The following RPS19 variants were observed in gnomAD, a reference collection of about 807,000 sequenced individuals.
RPS19 encodes ribosomal protein S19.
In RPS19, 1 loss-of-function variant was observed where a neutral mutation model predicts 20.3. That is an observed-to-expected ratio of 0.05 (90% confidence interval 0.02 to 0.23). The LOEUF (loss-of-function observed/expected upper bound fraction) is 0.23, where lower values mean the gene tolerates loss of function less well. RPS19 is among the 10% of genes least tolerant of loss of function. RPS19 has a pLI of 1.00. For synonymous variants in RPS19, 87 were observed against 74.8 expected (o/e 1.16, Z -0.84); for missense variants, 111 against 192.7 (o/e 0.58, Z 2.51).
In RPS19 at chr19:41,868,371, C is replaced by T. The variant is rs112128230; in HGVS notation, c.173-660C>T. Among the ~76,000 whole-genome samples the T allele has an allele frequency of 7.2e-5, 11 of 152,296 alleles. 1 individual carries two copies. The highest frequency in any genetic ancestry group is 2.6e-4 in the African/African-American group (11 of 41,568). Reference sequence around the variant, plus strand: ...CACCTGTTGAGTCCTCAGAGTAACCCGGCCCTCAGGTGAAGAAGGGTGGAG... The same window carrying T: ...CACCTGTTGAGTCCTCAGAGTAACCTGGCCCTCAGGTGAAGAAGGGTGGAG... On this transcript the variant is annotated intron_variant, in intron 3 of 5. Transcript: ENST00000598742.
At position 41,867,075 on chromosome 19, in the gene RPS19, T is replaced by G. The variant is rs1555840873; in HGVS notation, c.173-1956T>G. On this transcript the variant is annotated intron_variant, in intron 3 of 5. Transcript: ENST00000598742. ...GCACACACCTGTAATCCCAGCACTT[T>G]GGGAGGCCAAGATGGGTGGTTCACT... Among the ~76,000 whole-genome samples, 3 of 151,592 alleles carry G rather than the reference T, an allele frequency of 2.0e-5. No homozygotes were observed. The South Asian group carries it at 6.2e-4, about 32-fold the overall frequency.
chr19:41,866,105 T>A (rs1169438693), intron 3 of RPS19, among the ~76,000 whole-genome samples: 1 of 151,402 alleles, frequency 6.6e-6, no homozygotes, highest in African/African-American at 2.4e-5. Flanking sequence ...TACAAAACAT[T>A]AGCCAGGTGT....
rs147508369 is a variant in RPS19, at chr19:41,861,204, C to T, written c.164C>T (p.Thr55Met). Reference protein sequence around the residue: ...LAPYDENWFYTRAASTARHLY... With the variant: ...LAPYDENWFYMRAASTARHLY... ...CCCTACGATGAGAACTGGTTCTACA[C>T]GCGAGCTGGTGAGGAACTTAGGTCT... The change falls in exon 3 of 6, where the codon ACG becomes ATG. Residue 55 changes from threonine (T) to methionine (M), a missense_variant. Thr to Met is a moderately conservative substitution (Grantham distance 81). Transcript: ENST00000598742. 4.9e-4 allele frequency: 792 copies of T among 1,613,126 alleles called. 1 individual carries two copies. Among genetic ancestry groups the T allele is most frequent in the Non-Finnish European group, 6.3e-4 (739 of 1,179,232 alleles).
chr19:41,863,425 C>G (rs1600612729), intron 3 of RPS19, among the ~76,000 whole-genome samples: 1 of 152,236 alleles, frequency 6.6e-6, no homozygotes, highest in East Asian at 1.9e-4. Flanking sequence ...TGCAAGTTAC[C>G]CTGGGAGGGC....
chr19:41,868,978 T>C (rs1344190473), intron 3 of RPS19, 53 bp from the exon 4 acceptor site: 7 of 1,560,572 alleles, frequency 4.5e-6, no homozygotes, highest in Non-Finnish European at 6.2e-6. Context: ...AAGGAATTGT[T>C]TACCTGAGAC....
intron 3 of RPS19, 33 bp downstream of exon 3, chr19:41,861,245 G>A (rs372018436): frequency 1.3e-6 from 2 of 1,505,052 alleles, no homozygotes; most frequent in Non-Finnish European, 1.8e-6. Context: ...TGGAGAGTGG[G>A]GAGCTGGGTG....
intron 3 of RPS19, among the ~76,000 whole-genome samples, chr19:41,868,072 C>A (rs2074108146): frequency 6.6e-6 from 1 of 152,198 alleles, no homozygotes; most frequent in Non-Finnish European, 1.5e-5. Context: ...CCAATTCCCC[C>A]ACTTGATCTT....
At chr19:41,861,862 C>T (rs1299417840) in intron 3 of RPS19, among the ~76,000 whole-genome samples, 1 of 152,176 alleles carries the variant, frequency 6.6e-6, no homozygotes, top group Non-Finnish European at 1.5e-5. Flanking sequence ...TCGTGCCAGC[C>T]CCGTCTCTTT....
At chr19:41,862,886 T>C (rs1018349833) in intron 3 of RPS19, among the ~76,000 whole-genome samples, 23 of 152,266 alleles carry the variant, frequency 1.5e-4, no homozygotes, top group African/African-American at 5.5e-4. Context: ...ATAGGATGGT[T>C]GTGTGGTAGA....
chr19:41,866,869 T>A (rs1397015511), intron 3 of RPS19, among the ~76,000 whole-genome samples: 1 of 151,694 alleles, frequency 6.6e-6, no homozygotes, highest in Admixed American at 6.6e-5. Flanking sequence ...ACAAAAAAAT[T>A]AGCCAGGCGT....
chr19:41,860,667 G>T lies in RPS19; in HGVS notation c.1-108G>T, dbSNP rs2074018520. On this transcript the variant is annotated intron_variant, in intron 1 of 5. Transcript: ENST00000598742. ...GAAGGGGCCGTGGGAAGTAACGGGG[G>T]GTACCACGGTTTAGGATGCGCTGGA... 12 of 879,332 alleles carry T rather than the reference G, an allele frequency of 1.4e-5. No individual in the cohort carries two copies. The South Asian group carries it at 1.6e-4, about 12-fold the overall frequency. 54.5% of individuals were successfully genotyped at this position (879,332 alleles called of 1,614,324 possible).
chr19:41,862,390 C>T (rs1416502713), intron 3 of RPS19, among the ~76,000 whole-genome samples: 1 of 152,078 alleles, frequency 6.6e-6, no homozygotes, highest in African/African-American at 2.4e-5. Flanking sequence ...ACCTACCCAC[C>T]GTTTGTTTTA....
At chr19:41,871,179 G>A (rs1357953059) in intron 5 of RPS19, among the ~76,000 whole-genome samples, 172 bp from the exon 6 acceptor site, 2 of 150,872 alleles carry the variant, frequency 1.3e-5, no homozygotes, top group Non-Finnish European at 3.0e-5. Flanking sequence ...TTGAGACTCA[G>A]TTTCCACGTC....
chr19:41,869,563 A>G (rs1191362788), intron 4 of RPS19, 136 bp from the exon 5 acceptor site: 3 of 886,162 alleles, frequency 3.4e-6, no homozygotes, highest in East Asian at 2.5e-5. Flanking sequence ...GTTAGAATGC[A>G]CCTGACTAGG....
intron 5 of RPS19, among the ~76,000 whole-genome samples, chr19:41,871,044 G>A (rs1471489899): frequency 6.6e-6 from 1 of 151,614 alleles, no homozygotes; most frequent in African/African-American, 2.4e-5. Context: ...TATATTTTTA[G>A]TAGAGACAGG....
intron 5 of RPS19, among the ~76,000 whole-genome samples, chr19:41,869,958 G>GTGGTGTCTCCACAGCCAGACACCA (rs2074129842): frequency 6.6e-6 from 1 of 152,064 alleles, no homozygotes; most frequent in Non-Finnish European, 1.5e-5. Flanking sequence ...AAATTTGGAG[G>GTGGTGTCTCCACAGCCAGACACCA]CAGGCTGGCT....
At chr19:41,869,651 A>C (rs1555841524) in intron 4 of RPS19, 48 bp from the exon 5 acceptor site, 1 of 1,601,098 alleles carries the variant, frequency 6.2e-7, no homozygotes, top group Non-Finnish European at 8.6e-7. Flanking sequence ...GGGGCTGAGA[A>C]CAGGACCTGT....
In RPS19 at chr19:41,871,874, A is replaced by G. The variant is rs538671454; in HGVS notation, c.*497A>G. On this transcript the variant is annotated 3_prime_UTR_variant, in exon 6 of 6. Coordinates refer to ENST00000598742, the MANE Select transcript of RPS19 (RefSeq NM_001022.4). ...GAGGTGGCTTCCGCTGGAGTAAAGC[A>G]AGAGGGCCCAGGGTTCATGCTCTTC... is the stretch of plus-strand genomic sequence containing the variant. 5.3e-6 allele frequency: 1 copy of G among 187,142 alleles called. No individual in the cohort carries two copies. The highest frequency in any genetic ancestry group is 1.5e-4 in the East Asian group (1 of 6,882). The allele number at this position is 187,142 out of a possible 1,614,324, so 11.6% of individuals were successfully genotyped here.
At chr19:41,867,011 T>TC (rs2074097283) in intron 3 of RPS19, among the ~76,000 whole-genome samples, 1 of 142,716 alleles carries the variant, frequency 7.0e-6, no homozygotes, top group East Asian at 2.1e-4. Context: ...AGCGAGAGAC[T>TC]CCATCTCAGA....
Sources: allele counts gnomAD v4.1 joint callset (sites outside exome capture counted in the v4.1 genomes callset), GRCh38; gene constraint gnomAD v4.1.1; transcripts MANE v1.5; gene names NCBI Gene and HGNC (gene_info 2026-07-23, HGNC 2026-07-21).